RELCH: variants seen among roughly 807,000 people sequenced by gnomAD.
RELCH encodes the protein RAB11 binding and LisH domain, coiled-coil and HEAT repeat containing, also known as RAB11-binding protein RELCH.
In RELCH, 41 loss-of-function variants were observed where a neutral mutation model predicts 150.3. That is an observed-to-expected ratio of 0.27 (90% CI 0.21 to 0.35). RELCH has a LOEUF of 0.35. Among genes scored for constraint, RELCH ranks in the 10% least tolerant of loss-of-function variants. RELCH has a pLI of 1.00. For synonymous variants in RELCH, 478 were observed against 531.8 expected, an observed-to-expected ratio of 0.90 and a Z score of 1.39; for missense variants, 1,092 against 1,467.8, an observed-to-expected ratio of 0.74 and a Z score of 4.18.
Position 62,305,617 on chromosome 18 carries a change from G to A in RELCH, c.*83G>A, listed in dbSNP as rs1182840866. On this transcript the variant is annotated 3_prime_UTR_variant, in exon 29 of 29. Coordinates refer to ENST00000644646, the MANE Select transcript of RELCH (RefSeq NM_001346231.2). This position sits in a 1 kb window ranked among gnomAD's most constrained non-coding sequence, Gnocchi z 4.0. ...TGTACTTGAAGTACTTGCCTTTTTT[G>A]TTTCCTCAGTTTTATGTTCTTGCAT... is the stretch of plus-strand genomic sequence containing the variant. 1.4e-6 allele frequency: 2 copies of A among 1,399,168 alleles called. No individual in the cohort carries two copies. Among genetic ancestry groups the A allele is most frequent in the Non-Finnish European group, 1.9e-6 (2 of 1,038,064 alleles). 86.7% of individuals were successfully genotyped at this position (1,399,168 alleles called of 1,614,324 possible).
chr18:62,211,032 A>C, intron 1 of RELCH, 121 bp from the exon 2 acceptor site: 1 of 559,742 alleles, frequency 1.8e-6, no homozygotes, highest in Non-Finnish European at 3.1e-6. Context: ...TGTTGTTTTA[A>C]AAGAATTCCT....
Position 62,231,221 on chromosome 18 carries a change from A to G in RELCH, c.1476A>G (p.Ala492=). 6.2e-7 allele frequency: 1 copy of G among 1,608,004 alleles called. No individual in the cohort carries two copies. Among genetic ancestry groups the G allele is most frequent in the Admixed American group, 1.7e-5 (1 of 59,684 alleles). Reference sequence around the variant, plus strand: ...AATTGTCTCCTGCATTCCATCAAGCACTACTCTCTTTTTGTCGAATGTCAG... The same window carrying G: ...AATTGTCTCCTGCATTCCATCAAGCGCTACTCTCTTTTTGTCGAATGTCAG... ...NRKLSPAFHQ[A]LLSFCRMSAD... is the part of the protein sequence containing the mutation. The change falls in exon 9 of 29, where the codon GCA becomes GCG. Residue 492 remains alanine (A), a synonymous_variant. Coordinates refer to ENST00000644646, the MANE Select transcript of RELCH (RefSeq NM_001346231.2).
At chr18:62,188,697 C>T (rs576004556) in intron 1 of RELCH, among the ~76,000 whole-genome samples, 57 of 152,344 alleles carry the variant, frequency 3.7e-4, no homozygotes, top group Middle Eastern at 3.4e-3. Context: ...CACCACCTTG[C>T]AGGCTTTTCT....
chr18:62,213,528 G>A (rs373249061), intron 2 of RELCH, among the ~76,000 whole-genome samples: 11 of 151,998 alleles, frequency 7.2e-5, no homozygotes, highest in East Asian at 5.8e-4. Flanking sequence ...TCAGGAGTTC[G>A]AGACCAGCCT....
intron 14 of RELCH, 79 bp downstream of exon 14, chr18:62,258,167 T>C: frequency 8.0e-7 from 1 of 1,246,918 alleles, no homozygotes; most frequent in South Asian, 1.4e-5. Flanking sequence ...CTGATTTAGA[T>C]ACTTTATAAT....
chr18:62,226,169 A>G (rs532270192), intron 5 of RELCH, among the ~76,000 whole-genome samples: 31 of 152,184 alleles, frequency 2.0e-4, no homozygotes, highest in African/African-American at 7.2e-4. Context: ...GTTATAATCT[A>G]TCAAATTAGT....
chr18:62,273,358 AAC>A (rs2044014593), intron 20 of RELCH, among the ~76,000 whole-genome samples: 1 of 152,110 alleles, frequency 6.6e-6, no homozygotes, highest in African/African-American at 2.4e-5. Context: ...TTCTTAAAAG[AAC>A]ACAGTAGTCT....
intron 1 of RELCH, among the ~76,000 whole-genome samples, chr18:62,189,121 A>C (rs2038409314): frequency 6.6e-6 from 1 of 152,174 alleles, no homozygotes; most frequent in African/African-American, 2.4e-5. Context: ...GGATTTTCTC[A>C]GTAGTTATAA....
chr18:62,187,262 G>A lies in RELCH; in HGVS notation c.-244G>A, dbSNP rs999530639. On this transcript the variant is annotated 5_prime_UTR_variant, in exon 1 of 29. Transcript: ENST00000644646. ...GGGGCAGGGGCACGCTCCAGTTCTCGCGAGACTGGAGACCAGGAAGACGCC... is the reference window on the plus strand; with the variant it reads ...GGGGCAGGGGCACGCTCCAGTTCTCACGAGACTGGAGACCAGGAAGACGCC... 49 of 327,138 alleles carry A rather than the reference G, an allele frequency of 1.5e-4. No homozygotes were observed. The East Asian group carries it at 2.3e-3, about 15-fold the overall frequency. 20.3% of individuals were successfully genotyped at this position (327,138 alleles called of 1,614,324 possible).
chr18:62,206,037 C>G (rs1428888217), intron 1 of RELCH, among the ~76,000 whole-genome samples: 5 of 152,114 alleles, frequency 3.3e-5, no homozygotes, highest in African/African-American at 4.8e-5. Flanking sequence ...AACAAACAAA[C>G]AAAAACTTGA....
chr18:62,187,443 A>C lies in RELCH; in HGVS notation c.-63A>C. The C allele has an allele frequency of 6.8e-7, 1 of 1,469,912 alleles. No individual in the cohort carries two copies. Among genetic ancestry groups the C allele is most frequent in the East Asian group, 2.3e-5 (1 of 43,114 alleles). 91.1% of individuals were successfully genotyped at this position (1,469,912 alleles called of 1,614,324 possible). A position where few individuals can be genotyped will look rare whatever the true frequency, so the allele number is the denominator to read the frequency against. On this transcript the variant is annotated 5_prime_UTR_variant, in exon 1 of 29. Transcript: ENST00000644646. ...GTGCGCTGTGTCCCCTGAGGCCTAG[A>C]GGATTCGGGCTGCGGCCCGTCGGAA...
At chr18:62,273,464 A>G (rs1219669404) in intron 20 of RELCH, among the ~76,000 whole-genome samples, 1 of 152,096 alleles carries the variant, frequency 6.6e-6, no homozygotes, top group Non-Finnish European at 1.5e-5. Context: ...CAACGGGGTA[A>G]CTATTCTAGT....
chr18:62,243,448 A>C (rs2148493001), intron 10 of RELCH, among the ~76,000 whole-genome samples: 1 of 152,242 alleles, frequency 6.6e-6, no homozygotes, highest in African/African-American at 2.4e-5. Flanking sequence ...TTATTCACTA[A>C]GGTAAAACCT....
chr18:62,261,445 AC>A, intron 15 of RELCH, 65 bp from the exon 16 acceptor site: 1 of 1,427,602 alleles, frequency 7.0e-7, no homozygotes, highest in Non-Finnish European at 9.8e-7. Context: ...AGAACATCAT[AC>A]ATAAATCCAA....
chr18:62,281,424 G>A (rs777573304), intron 24 of RELCH, among the ~76,000 whole-genome samples: 1 of 152,194 alleles, frequency 6.6e-6, no homozygotes, highest in East Asian at 1.9e-4. Flanking sequence ...GTATCCTCTT[G>A]TTGCAGAGTA....
chr18:62,268,557 C>A, intron 19 of RELCH: 1 of 166,790 alleles, frequency 6.0e-6, no homozygotes. Context: ...TTTGGACAAC[C>A]TGCCTATAGG....
chr18:62,253,878 A>G (rs2042858221), intron 12 of RELCH, among the ~76,000 whole-genome samples: 1 of 152,140 alleles, frequency 6.6e-6, no homozygotes, highest in South Asian at 2.1e-4. Context: ...TTACAATTCT[A>G]TACAGTTAAT....
intron 1 of RELCH, among the ~76,000 whole-genome samples, chr18:62,208,682 CCA>C (rs1474929686): frequency 6.6e-6 from 1 of 152,136 alleles, no homozygotes; most frequent in Non-Finnish European, 1.5e-5. Flanking sequence ...CAAGTTGGCC[CCA>C]GTGTCTGTCG....
chr18:62,258,608 A>G lies in RELCH; in HGVS notation c.2134A>G (p.Thr712Ala). The G allele has an allele frequency of 1.2e-6, 2 of 1,600,710 alleles. No homozygotes were observed. Among genetic ancestry groups the G allele is most frequent in the Non-Finnish European group, 1.7e-6 (2 of 1,176,122 alleles). Residue 712 changes from threonine (T) to alanine (A), a missense_variant, in exon 15 of 29, where the codon ACA (threonine) becomes GCA (alanine). This residue lies in a region of RELCH where 707 missense variants were observed against 1,025.4 expected (regional missense o/e 0.69). Coordinates refer to ENST00000644646, the MANE Select transcript of RELCH (RefSeq NM_001346231.2). ...TTTACCAGCTTACGCTGCGTGGACT[A>G]CAGAACTTGGAAATTTACAGTCTCA... ...VFLPAYAAWT[T>A]ELGNLQSHLI...
Sources: allele counts gnomAD v4.1 joint callset (sites outside exome capture counted in the v4.1 genomes callset), GRCh38; gene constraint gnomAD v4.1.1; regional missense constraint gnomAD v4.1.1; non-coding constraint Gnocchi (gnomAD v3.1); transcripts MANE v1.5; gene names NCBI Gene and HGNC (gene_info 2026-07-23, HGNC 2026-07-21).